The following NTM variants were observed in gnomAD, a reference collection of about 807,000 sequenced individuals.
NTM encodes the protein neurotrimin.
Under a neutral mutation model 42.1 loss-of-function variants are expected in NTM, and 13 were observed. The observed-to-expected ratio is 0.31, with a 90% CI of 0.20 to 0.49. The LOEUF (loss-of-function observed/expected upper bound fraction) is 0.49, where lower values mean the gene tolerates loss of function less well. Among genes scored for constraint, NTM ranks in the 20% least tolerant of loss-of-function variants. The pLI is 0.99. For synonymous variants in NTM, 187 were observed against 179.2 expected (o/e 1.04, Z -0.35); for missense variants, 373 against 452.8 (o/e 0.82, Z 1.60).
chr11:131,619,188 G>T (rs2062263594), intron 1 of NTM, among the ~76,000 whole-genome samples: 1 of 152,200 alleles, frequency 6.6e-6, no homozygotes, highest in Admixed American at 6.5e-5. Flanking sequence ...AGGGAAGCAT[G>T]CTGGGCATTG....
At chr11:131,835,808 A>G (rs569681353) in intron 1 of NTM, among the ~76,000 whole-genome samples, 1 of 152,332 alleles carries the variant, frequency 6.6e-6, no homozygotes, top group South Asian at 2.1e-4. Context: ...CCAAACTGGA[A>G]GCCACACAAA....
chr11:132,274,430 A>G (rs1169914765), intron 4 of NTM, among the ~76,000 whole-genome samples: 2 of 152,022 alleles, frequency 1.3e-5, no homozygotes, highest in East Asian at 3.9e-4. Context: ...AAGTTTCAAT[A>G]TATTATGTCT....
intron 2 of NTM, among the ~76,000 whole-genome samples, chr11:131,928,735 A>C (rs1258429487): frequency 7.8e-6 from 1 of 127,720 alleles, no homozygotes; most frequent in Non-Finnish European, 1.7e-5. Context: ...GTTTTGTCCC[A>C]CTGCAAACTG....
chr11:131,499,642 C>T (rs559010618), intron 1 of NTM, among the ~76,000 whole-genome samples: 3 of 151,590 alleles, frequency 2.0e-5, no homozygotes, highest in African/African-American at 7.3e-5. Flanking sequence ...ATCCCTAACT[C>T]GTCCCCTGTG....
intron 4 of NTM, among the ~76,000 whole-genome samples, chr11:132,273,309 G>GTTTTTTTTTTTTTTT (rs57877862): frequency 5.4e-5 from 3 of 55,656 alleles, no homozygotes; most frequent in Non-Finnish European, 5.8e-5. Context: ...GTTGACTAGT[G>GTTTTTTTTTTTTTTT]TTTTTTTTTT....
intron 4 of NTM, among the ~76,000 whole-genome samples, chr11:132,220,345 C>A (rs1231081091): frequency 2.0e-5 from 3 of 152,208 alleles, no homozygotes; most frequent in Admixed American, 2.0e-4. Context: ...CTCTTTAACT[C>A]TGTCATTCTC....
intron 2 of NTM, among the ~76,000 whole-genome samples, chr11:131,968,265 A>C (rs1290292594): frequency 6.6e-5 from 10 of 152,062 alleles, no homozygotes; most frequent in Non-Finnish European, 1.5e-4. Context: ...CAAGAATCAA[A>C]CCAATTTGTG....
intron 1 of NTM, among the ~76,000 whole-genome samples, chr11:131,792,607 T>G (rs77794397): frequency 0.044 from 6,763 of 152,234 alleles, 523 homozygotes; most frequent in African/African-American, 0.15. Flanking sequence ...AACTCCACCT[T>G]TCTGGCCACC....
intron 4 of NTM, among the ~76,000 whole-genome samples, chr11:132,290,509 G>C (rs1204704959): frequency 6.6e-6 from 1 of 152,134 alleles, no homozygotes; most frequent in Non-Finnish European, 1.5e-5. Flanking sequence ...TAGACCCTGT[G>C]CATAAAAGCA....
rs76144257 is a variant in NTM, at chr11:131,737,184, A to G, written c.83-174380A>G. Among the ~76,000 whole-genome samples, 516 of 152,316 alleles carry G rather than the reference A, an allele frequency of 3.4e-3. 4 individuals are homozygous for G. Among genetic ancestry groups the G allele is most frequent in the African/African-American group, 0.011 (477 of 41,570 alleles). Reference sequence around the variant, plus strand: ...GCATCCCACATAGAAGAGCTCATTTAACGGAAGAGAATTGGTCTTGTGAGG... The same window carrying G: ...GCATCCCACATAGAAGAGCTCATTTGACGGAAGAGAATTGGTCTTGTGAGG... On this transcript the variant is annotated intron_variant, in intron 1 of 8. Transcript: ENST00000683400.
At chr11:131,904,176 C>A (rs1004953855) in intron 1 of NTM, among the ~76,000 whole-genome samples, 1 of 151,950 alleles carries the variant, frequency 6.6e-6, no homozygotes, top group African/African-American at 2.4e-5. Flanking sequence ...GGATGGGGAA[C>A]AAGGAATAAA....
intron 2 of NTM, among the ~76,000 whole-genome samples, chr11:131,971,172 C>G (rs766301824): frequency 2.6e-5 from 4 of 152,202 alleles, no homozygotes; most frequent in Non-Finnish European, 2.9e-5. Context: ...CAAGTGTACA[C>G]TCGCCAGTAG....
At chr11:131,518,638 T>C (rs1180706217) in intron 1 of NTM, among the ~76,000 whole-genome samples, 1 of 152,184 alleles carries the variant, frequency 6.6e-6, no homozygotes, top group Non-Finnish European at 1.5e-5. Flanking sequence ...CTTTGGCCTT[T>C]GGATTTCCTC....
intron 1 of NTM, among the ~76,000 whole-genome samples, chr11:131,598,766 T>C (rs11222713): frequency 0.1 from 3,355 of 32,850 alleles, 318 homozygotes; most frequent in African/African-American, 0.16. Flanking sequence ...TTCTTTCTTT[T>C]TTTCTTTCTT....
chr11:131,864,267 G>A (rs545569520), intron 1 of NTM, among the ~76,000 whole-genome samples: 1 of 152,304 alleles, frequency 6.6e-6, no homozygotes, highest in South Asian at 2.1e-4. Flanking sequence ...GGATCCATCA[G>A]GAAGGAAAGA....
At chr11:131,502,458 T>C (rs2136381088) in intron 1 of NTM, among the ~76,000 whole-genome samples, 1 of 151,946 alleles carries the variant, frequency 6.6e-6, no homozygotes, top group Non-Finnish European at 1.5e-5. Flanking sequence ...CCTGGAGATC[T>C]GGGAAAAAAG....
chr11:131,415,620 CAGT>C (rs1420357296), intron 1 of NTM, among the ~76,000 whole-genome samples: 1 of 152,146 alleles, frequency 6.6e-6, no homozygotes, highest in Non-Finnish European at 1.5e-5. Flanking sequence ...GTAGCCCAGA[CAGT>C]AGCCACCTAT....
intron 1 of NTM, among the ~76,000 whole-genome samples, chr11:131,381,594 A>G (rs895325787): frequency 6.6e-6 from 1 of 152,078 alleles, no homozygotes; most frequent in African/African-American, 2.4e-5. Flanking sequence ...AGGTCAAATA[A>G]TTTAATAATT....
intron 3 of NTM, among the ~76,000 whole-genome samples, chr11:132,148,451 G>GC (rs1427364803): frequency 6.6e-6 from 1 of 151,956 alleles, no homozygotes; most frequent in African/African-American, 2.4e-5. Flanking sequence ...CTCCTGTCCT[G>GC]CCCCAACCCC....
Sources: gnomAD v4.1 joint callset for allele counts (sites outside exome capture counted in the v4.1 genomes callset) on GRCh38, gnomAD v4.1.1 for gene constraint, MANE v1.5 for transcripts, NCBI Gene and HGNC (gene_info 2026-07-23, HGNC 2026-07-21) for gene names.